Variants in SUCLG2 observed in about 807,000 individuals in gnomAD.
The protein encoded by SUCLG2 is succinate-CoA ligase GDP-forming subunit beta, also known as succinate--CoA ligase [GDP-forming] subunit beta, mitochondrial.
In SUCLG2, 42 loss-of-function variants were observed where a neutral mutation model predicts 47.9. The observed-to-expected ratio is 0.88, with a 90% CI of 0.69 to 1.14. The LOEUF (loss-of-function observed/expected upper bound fraction) is 1.14, where lower values mean the gene tolerates loss of function less well. SUCLG2 is among the 50% of genes most tolerant of loss of function. SUCLG2 has a pLI of 0.00. For synonymous variants in SUCLG2, 195 were observed against 197.3 expected (o/e 0.99, Z 0.10); for missense variants, 571 against 525.9 (o/e 1.09, Z -0.84).
At chr3:67,441,944 A>G (rs1334770339) in intron 9 of SUCLG2, among the ~76,000 whole-genome samples, 1 of 152,170 alleles carries the variant, frequency 6.6e-6, no homozygotes, top group Admixed American at 6.5e-5. Context: ...GAAATATATA[A>G]AATACCTGTC....
chr3:67,556,449 T>C (rs76360542), intron 2 of SUCLG2, among the ~76,000 whole-genome samples: 2,177 of 152,284 alleles, frequency 0.014, 53 homozygotes, highest in African/African-American at 0.05. Flanking sequence ...GAAAATGATA[T>C]GGGAGATGTC....
chr3:67,506,930 T>C (rs1705652841), intron 7 of SUCLG2, among the ~76,000 whole-genome samples: 1 of 152,126 alleles, frequency 6.6e-6, no homozygotes, highest in Admixed American at 6.6e-5. Flanking sequence ...GTCTGGAGTA[T>C]CAGAATCAAT....
chr3:67,643,660 C>T (rs1701142217), intron 1 of SUCLG2, among the ~76,000 whole-genome samples: 2 of 152,180 alleles, frequency 1.3e-5, no homozygotes, highest in Admixed American at 6.5e-5. Flanking sequence ...ACTGTAATTG[C>T]CCATTTCTCA....
intron 1 of SUCLG2, among the ~76,000 whole-genome samples, chr3:67,628,079 C>A (rs1200907416): frequency 6.6e-6 from 1 of 152,156 alleles, no homozygotes; most frequent in Non-Finnish European, 1.5e-5. Context: ...AAATAATGGG[C>A]ATAGTCTCTA....
At chr3:67,549,931 A>T (rs888712463) in intron 2 of SUCLG2, among the ~76,000 whole-genome samples, 21 of 152,194 alleles carry the variant, frequency 1.4e-4, no homozygotes, top group Non-Finnish European at 1.8e-4. Flanking sequence ...AGTTATTTTT[A>T]AATAAGCTTA....
At chr3:67,404,376 A>G (rs1702755627) in intron 9 of SUCLG2, among the ~76,000 whole-genome samples, 1 of 152,138 alleles carries the variant, frequency 6.6e-6, no homozygotes, top group South Asian at 2.1e-4. Flanking sequence ...AAGAAGCAGT[A>G]AAGAGAAGGC....
intron 9 of SUCLG2, among the ~76,000 whole-genome samples, chr3:67,443,011 G>C (rs1703809506): frequency 6.6e-6 from 1 of 152,132 alleles, no homozygotes; most frequent in South Asian, 2.1e-4. Context: ...CGAAAAAAAG[G>C]ACGGTTTTGC....
At chr3:67,507,265 C>T (rs1177750277) in intron 7 of SUCLG2, among the ~76,000 whole-genome samples, 1 of 152,120 alleles carries the variant, frequency 6.6e-6, no homozygotes, top group African/African-American at 2.4e-5. Context: ...AGATTTCTAT[C>T]GGATGGTCAT....
intron 9 of SUCLG2, among the ~76,000 whole-genome samples, chr3:67,412,451 G>T (rs2106839537): frequency 6.6e-6 from 1 of 152,244 alleles, no homozygotes; most frequent in East Asian, 1.9e-4. Flanking sequence ...AGAATTGTCA[G>T]GGGCCTCTCC....
intron 7 of SUCLG2, among the ~76,000 whole-genome samples, chr3:67,506,072 A>G (rs1705630114): frequency 6.6e-6 from 1 of 152,238 alleles, no homozygotes; most frequent in African/African-American, 2.4e-5. Context: ...TAATTATTAA[A>G]TCAAAGTTTC....
chr3:67,392,779 G>A (rs1003702775), intron 10 of SUCLG2, among the ~76,000 whole-genome samples: 11 of 151,868 alleles, frequency 7.2e-5, no homozygotes, highest in African/African-American at 2.7e-4. Context: ...ATGTTATCAT[G>A]GAATCAAGGC....
intron 2 of SUCLG2, among the ~76,000 whole-genome samples, chr3:67,563,786 C>G (rs903488060): frequency 6.6e-6 from 1 of 151,650 alleles, no homozygotes. Flanking sequence ...GGTGAAACCC[C>G]GTCTTTACTA....
At chr3:67,596,493 G>C (rs142952888) in intron 2 of SUCLG2, among the ~76,000 whole-genome samples, 3 of 152,240 alleles carry the variant, frequency 2.0e-5, no homozygotes, top group African/African-American at 7.2e-5. Context: ...TTCCAAGAAG[G>C]CTTCCCTGAC....
At chr3:67,491,557 G>A (rs1483999597) in intron 9 of SUCLG2, among the ~76,000 whole-genome samples, 1 of 151,824 alleles carries the variant, frequency 6.6e-6, no homozygotes, top group Non-Finnish European at 1.5e-5. Flanking sequence ...TAGAGACGGG[G>A]TTTTACCATT....
intron 1 of SUCLG2, among the ~76,000 whole-genome samples, chr3:67,653,689 C>A (rs766297417): frequency 6.6e-6 from 1 of 152,214 alleles, no homozygotes; most frequent in Non-Finnish European, 1.5e-5. Context: ...TCTACGGAGA[C>A]TAACCAGTTC....
chr3:67,570,708 C>G (rs546934747), intron 2 of SUCLG2, among the ~76,000 whole-genome samples: 75 of 152,300 alleles, frequency 4.9e-4, no homozygotes, highest in African/African-American at 1.8e-3. Flanking sequence ...TCTGTACATA[C>G]AGTTACACAT....
At chr3:67,399,972 G>A (rs528806043) in intron 10 of SUCLG2, among the ~76,000 whole-genome samples, 1 of 152,274 alleles carries the variant, frequency 6.6e-6, no homozygotes, top group Admixed American at 6.5e-5. Context: ...CTTGAAGCCA[G>A]GAGTTCAAGA....
At chr3:67,366,184 G>T (rs1255630819) in intron 10 of SUCLG2, among the ~76,000 whole-genome samples, 1 of 152,032 alleles carries the variant, frequency 6.6e-6, no homozygotes, top group Non-Finnish European at 1.5e-5. Context: ...AAACTTGGTC[G>T]GGCGCAGTGG....
intron 9 of SUCLG2, among the ~76,000 whole-genome samples, chr3:67,488,476 G>A (rs1408565148): frequency 1.3e-5 from 2 of 152,176 alleles, no homozygotes. Context: ...AAAGGAATCA[G>A]TCCAAAGGAT....
Sources: gnomAD v4.1 joint callset for allele counts (sites outside exome capture counted in the v4.1 genomes callset) on GRCh38, gnomAD v4.1.1 for gene constraint, MANE v1.5 for transcripts, NCBI Gene and HGNC (gene_info 2026-07-23, HGNC 2026-07-21) for gene names.